Variants in CACNA1A observed in about 807,000 individuals in gnomAD.
The protein encoded by CACNA1A is voltage-dependent P/Q-type calcium channel subunit alpha-1A.
A neutral mutation model predicts 262.4 loss-of-function variants in CACNA1A; 57 were observed. That is an observed-to-expected ratio of 0.22 (90% confidence interval 0.18 to 0.27). CACNA1A has a LOEUF of 0.27. CACNA1A is among the 10% of genes least tolerant of loss of function. CACNA1A has a pLI of 1.00. For missense variants in CACNA1A, 2,526 were observed against 3,562.8 expected (o/e 0.71, Z 7.41); for synonymous variants, 1,431 against 1,419.3 (o/e 1.01, Z -0.18).
chr19:13,389,945 T>C (rs2059683674), intron 3 of CACNA1A, among the ~76,000 whole-genome samples: 1 of 152,090 alleles, frequency 6.6e-6, no homozygotes, highest in Non-Finnish European at 1.5e-5. Context: ...CTCGAGTAGC[T>C]GGGACTACAG....
intron 6 of CACNA1A, among the ~76,000 whole-genome samples, chr19:13,343,095 C>T (rs1447778815): frequency 6.6e-6 from 1 of 150,560 alleles, no homozygotes; most frequent in Non-Finnish European, 1.5e-5. Context: ...TGCTCCTTCA[C>T]CTCTTTCTGG....
intron 3 of CACNA1A, among the ~76,000 whole-genome samples, chr19:13,388,486 C>T (rs1487906105): frequency 6.6e-6 from 1 of 152,016 alleles, no homozygotes; most frequent in African/African-American, 2.4e-5. Flanking sequence ...GAACTCCTGA[C>T]CTTAAGTGAT....
In CACNA1A at chr19:13,261,249, C is replaced by T; in HGVS notation, c.4250+201G>A. 6 of 532,068 alleles carry T rather than the reference C, an allele frequency of 1.1e-5. No individual in the cohort carries two copies. In the South Asian group the frequency reaches 1.8e-4, roughly 16 times the overall value. The allele number at this position is 532,068 out of a possible 1,614,324, so 33.0% of individuals were successfully genotyped here. ...GAAAGGTCAATCAATTTGCTTATGA[C>T]TCATTCTGTGGCTCTGGGTGGTGAC... On this transcript the variant is annotated intron_variant, in intron 26 of 46. Transcript: ENST00000360228.
At chr19:13,490,877 G>GGAGGAAGGAAGGAAAGGAGT (rs1331050601) in intron 1 of CACNA1A, among the ~76,000 whole-genome samples, 4 of 134,376 alleles carry the variant, frequency 3.0e-5, no homozygotes, top group African/African-American at 1.2e-4. Flanking sequence ...AGGAAGGAAA[G>GGAGGAAGGAAGGAAAGGAGT]GAGGAAGGAA....
intron 1 of CACNA1A, among the ~76,000 whole-genome samples, chr19:13,467,657 C>T (rs1022607334): frequency 5.1e-4 from 76 of 148,718 alleles, no homozygotes; most frequent in African/African-American, 1.7e-3. Context: ...CAGGCTGGGG[C>T]GCAGTGGGGT....
At chr19:13,244,929 G>C in intron 31 of CACNA1A, 1 of 535,642 alleles carries the variant, frequency 1.9e-6, no homozygotes, top group African/African-American at 1.9e-5. Context: ...TCCTAGGCCA[G>C]GATGCAGGAA....
intron 1 of CACNA1A, among the ~76,000 whole-genome samples, chr19:13,459,191 G>C (rs4926289): frequency 0.16 from 24,682 of 151,952 alleles, 2,602 homozygotes; most frequent in East Asian, 0.35. Flanking sequence ...TCCCCTCCTC[G>C]TAGCTCTAAC....
At chr19:13,326,920 T>G (rs1248997976) in intron 10 of CACNA1A, among the ~76,000 whole-genome samples, 1 of 151,256 alleles carries the variant, frequency 6.6e-6, no homozygotes, top group Non-Finnish European at 1.5e-5. Flanking sequence ...TTTTTTGAGA[T>G]GAAGTCTCTG....
In CACNA1A at chr19:13,317,319, A is replaced by G. The variant is rs1308599413; in HGVS notation, c.1348T>C (p.Ser450Pro). ...DQLADIASVG[S>P]PFARASIKSA... The stretch of plus-strand genomic sequence containing the variant: ...TTAATGCTGGCTCGGGCGAAGGGAG[A>G]ACCTGCCAGGGAAAAGATGGAGAAT... The change falls in exon 11 of 47, where the codon TCT becomes CCT. Residue 450 changes from serine to proline, a missense_variant and splice_region_variant. By Grantham distance (74) the Ser-to-Pro change is moderately conservative. This residue lies in a region of CACNA1A where 104 missense variants were observed against 127.6 expected (regional missense o/e 0.81). Transcript: ENST00000360228. 1.3e-6 allele frequency: 2 copies of G among 1,597,592 alleles called. No individual in the cohort carries two copies. The highest frequency in any genetic ancestry group is 8.6e-7 in the Non-Finnish European group (1 of 1,166,410).
intron 1 of CACNA1A, among the ~76,000 whole-genome samples, chr19:13,499,442 G>C (rs1213941403): frequency 2.6e-5 from 3 of 116,260 alleles, no homozygotes; most frequent in Admixed American, 1.9e-4. Context: ...ACCAGTCGCA[G>C]GGGGTGGTGG....
rs2057722066 is a variant in CACNA1A, at chr19:13,298,659, C to A, written c.2974G>T (p.Glu992Ter). The A allele has an allele frequency of 6.7e-7, 1 of 1,498,868 alleles. No individual in the cohort carries two copies. The highest frequency in any genetic ancestry group is 8.9e-7 in the Non-Finnish European group (1 of 1,124,834). 92.8% of individuals were successfully genotyped at this position (1,498,868 alleles called of 1,614,324 possible). A position where few individuals can be genotyped will look rare whatever the true frequency, so the allele number is the denominator to read the frequency against. Residue 992 changes from glutamate to a stop codon, truncating the protein, a stop_gained, in exon 19 of 47, where the codon GAG (glutamate) becomes TAG (stop). Transcript: ENST00000360228. LOFTEE classifies it high-confidence loss of function. ...TCGCCCCCGTCGGGGCCCTCGCCCT[C>A]GCCCTCGCCGCCCCGGGCCGGCCGG... ...GSRPARGGEG[E>*]GEGPDGGERR... is the part of the protein sequence containing the mutation.
intron 3 of CACNA1A, among the ~76,000 whole-genome samples, chr19:13,398,231 A>G (rs1312538345): frequency 2.6e-5 from 4 of 151,806 alleles, no homozygotes; most frequent in East Asian, 3.9e-4. Flanking sequence ...CATTGCACTC[A>G]TGCCTGGAGG....
At chr19:13,238,827 T>C (rs1399747719) in intron 31 of CACNA1A, among the ~76,000 whole-genome samples, 14 of 152,148 alleles carry the variant, frequency 9.2e-5, no homozygotes, top group Non-Finnish European at 1.6e-4. Flanking sequence ...CCTCAGGTGA[T>C]CTTCCTGCCT....
chr19:13,237,978 T>G (rs1219214180), intron 31 of CACNA1A, among the ~76,000 whole-genome samples: 1 of 152,130 alleles, frequency 6.6e-6, no homozygotes, highest in African/African-American at 2.4e-5. Flanking sequence ...AGGGGAAGCT[T>G]GCAACCATGC....
chr19:13,434,592 ACT>A, intron 3 of CACNA1A, among the ~76,000 whole-genome samples: 1 of 151,348 alleles, frequency 6.6e-6, no homozygotes. Context: ...GCATCTCCCC[ACT>A]CTCTCTCTTC....
At chr19:13,258,899 G>A (rs551368058) in intron 27 of CACNA1A, 1 of 151,916 alleles carries the variant, frequency 6.6e-6, no homozygotes, top group South Asian at 2.1e-4. Context: ...CAAAATTAAT[G>A]CAAAAAGTCC....
At chr19:13,280,472 C>T (rs10417819) in intron 22 of CACNA1A, among the ~76,000 whole-genome samples, 57,831 of 151,074 alleles carry the variant, frequency 0.38, 11,740 homozygotes, top group Non-Finnish European at 0.45. Context: ...GGATTATAGG[C>T]GTGAGCCACT....
At chr19:13,210,805 G>C (rs991611624) in intron 43 of CACNA1A, 153 bp from the exon 44 acceptor site, 8 of 820,016 alleles carry the variant, frequency 9.8e-6, no homozygotes, top group South Asian at 1.5e-5. Context: ...GGAGAAGGCA[G>C]GGAGGAAAAG....
intron 3 of CACNA1A, among the ~76,000 whole-genome samples, chr19:13,443,385 A>G (rs1490273292): frequency 1.3e-5 from 2 of 152,158 alleles, no homozygotes; most frequent in Non-Finnish European, 2.9e-5. Context: ...TCTGTCACCC[A>G]GGCTGGAGTG....
Sources: gnomAD v4.1 joint callset for allele counts (sites outside exome capture counted in the v4.1 genomes callset) on GRCh38, gnomAD v4.1.1 for gene constraint, gnomAD v4.1.1 regional missense constraint, MANE v1.5 for transcripts, NCBI Gene and HGNC (gene_info 2026-07-23, HGNC 2026-07-21) for gene names.